NEXMIF: variants seen among roughly 807,000 people sequenced by gnomAD.
NEXMIF encodes the protein neurite extension and migration factor, also known as XLMR protein related to neurite extension.
NEXMIF carries 8 observed loss-of-function variants against 62.1 expected under a neutral mutation model. The ratio of observed to expected loss-of-function variants is 0.13; its 90% CI spans 0.08 to 0.23. The LOEUF (loss-of-function observed/expected upper bound fraction) is 0.23, where lower values mean the gene tolerates loss of function less well. Among genes scored for constraint, NEXMIF ranks in the 10% least tolerant of loss-of-function variants. NEXMIF has a pLI of 1.00. For missense variants in NEXMIF, 976 were observed against 1,113.3 expected (o/e 0.88, Z 1.75); for synonymous variants, 404 against 416.6 (o/e 0.97, Z 0.37).
At chrX:74,881,579 T>C (rs753888344) in intron 1 of NEXMIF, among the ~76,000 whole-genome samples, 4 of 78,430 alleles carry the variant, frequency 5.1e-5, no homozygotes, top group Non-Finnish European at 8.7e-5. Context: ...AGAGCTGCCC[T>C]GTGAATTTTA....
chrX:74,765,871 CAAAAAAA>C (rs755196904), intron 1 of NEXMIF, among the ~76,000 whole-genome samples: 1 of 28,967 alleles, frequency 3.5e-5, no homozygotes, highest in Non-Finnish European at 7.0e-5. Context: ...ACTGAAAATA[CAAAAAAA>C]AAAAAAAAAA....
chrX:74,887,731 C>T (rs763235938), intron 1 of NEXMIF, among the ~76,000 whole-genome samples: 5 of 111,830 alleles, frequency 4.5e-5, no homozygotes, highest in South Asian at 7.6e-4. Flanking sequence ...TTGTGGAAGT[C>T]GGTGTGGTGA....
chrX:74,740,901 A>C lies in NEXMIF; in HGVS notation c.3656T>G (p.Val1219Gly), dbSNP rs963668460. The part of the protein sequence containing the change: ...EKPPGKNSRQ[V>G]PKSTKKGKYM... Reference sequence around the variant, plus strand: ...TTTCCCTTTCTTTGTGGACTTAGGGACCTGGCGGGAGTTTTTGCCAGGTGG... The same window carrying C: ...TTTCCCTTTCTTTGTGGACTTAGGGCCCTGGCGGGAGTTTTTGCCAGGTGG... Residue 1219 changes from valine (V) to glycine (G), a missense_variant, in exon 3 of 4, where the codon GTC becomes GGC. Physicochemically the swap from Val to Gly is moderately radical, Grantham distance 109. Around this residue, in one of 5 missense-constraint regions of NEXMIF, gnomAD observed 639 missense variants for 694.5 expected, o/e 0.92. Coordinates refer to ENST00000055682, the MANE Select transcript of NEXMIF (RefSeq NM_001008537.3). 8.3e-7 allele frequency: 1 copy of C among 1,211,119 alleles called. No individual in the cohort carries two copies. The highest frequency in any genetic ancestry group is 1.1e-6 in the Non-Finnish European group (1 of 895,166).
rs2080102274 is a variant in NEXMIF, at chrX:74,741,279, C to T, written c.3278G>A (p.Gly1093Glu). The change falls in exon 3 of 4, where the codon GGA (glycine) becomes GAA (glutamate). Residue 1093 changes from glycine (G) to glutamate (E), a missense_variant. Physicochemically the swap from Gly to Glu is moderately conservative, Grantham distance 98. This residue lies in a region of NEXMIF where 639 missense variants were observed against 694.5 expected (regional missense o/e 0.92). Coordinates refer to ENST00000055682, the MANE Select transcript of NEXMIF (RefSeq NM_001008537.3). ...ITRCESMKTLGTLKGFQEGVP... is the reference protein window; with the variant it reads ...ITRCESMKTLETLKGFQEGVP... ...ACCCTCTTGGAACCCCTTTAGTGTT[C>T]CTAGTGTCTTCATACTCTCACATCT... 4 of 1,211,187 alleles carry T rather than the reference C, an allele frequency of 3.3e-6. No individual in the cohort carries two copies. The highest frequency in any genetic ancestry group is 5.9e-5 in the East Asian group (2 of 33,842).
chrX:74,865,614 G>A (rs1412062274), intron 1 of NEXMIF, among the ~76,000 whole-genome samples: 1 of 111,906 alleles, frequency 8.9e-6, no homozygotes, highest in African/African-American at 3.2e-5. Flanking sequence ...GACCTTCATG[G>A]CAGAGCCTCC....
chrX:74,831,740 C>T (rs2080438170), intron 1 of NEXMIF, among the ~76,000 whole-genome samples: 1 of 111,910 alleles, frequency 8.9e-6, no homozygotes, highest in Admixed American at 9.5e-5. Flanking sequence ...CATTATAATA[C>T]TAGCTGTGGT....
Position 74,784,748 on chromosome X carries a change from G to T in NEXMIF, c.-47-39051C>A, listed in dbSNP as rs184341916. On this transcript the variant is annotated intron_variant, in intron 1 of 3. Transcript: ENST00000055682. ...CACTTGTGTGACTGGTCCTTGGCCAGCTCCTGGGAACTGAGGTCTTAGAAT... is the reference window on the plus strand; with the variant it reads ...CACTTGTGTGACTGGTCCTTGGCCATCTCCTGGGAACTGAGGTCTTAGAAT... Among the ~76,000 whole-genome samples, 44 of 111,092 alleles carry T rather than the reference G, an allele frequency of 4.0e-4. 1 individual carries two copies. In the East Asian group the frequency reaches 8.8e-3, roughly 22 times the overall value.
rs191425572 is a variant in NEXMIF at position 74,735,726 on chromosome X, G to C, written c.*3679C>G. The C allele has an allele frequency of 8.9e-6, 1 of 111,950 alleles. No homozygotes were observed. Among genetic ancestry groups the C allele is most frequent in the East Asian group, 2.8e-4 (1 of 3,534 alleles). The allele number at this position is 111,950 out of a possible 1,213,427, so 9.2% of individuals were successfully genotyped here. ...AATGCAGGAGGTTTGAAAACATCAG[G>C]AAAAGGTAAGGCCTTGACACATAGT... On this transcript the variant is annotated 3_prime_UTR_variant, in exon 4 of 4. Coordinates refer to ENST00000055682, the MANE Select transcript of NEXMIF (RefSeq NM_001008537.3).
chrX:74,848,527 G>A (rs2080501496), intron 1 of NEXMIF, among the ~76,000 whole-genome samples: 1 of 112,191 alleles, frequency 8.9e-6, no homozygotes, highest in Non-Finnish European at 1.9e-5. Flanking sequence ...GTCCAAATAA[G>A]GTAACATTCA....
At position 74,740,306 on chromosome X, in the gene NEXMIF, A is replaced by G. The variant is rs757785426; in HGVS notation, c.4251T>C (p.Gly1417=). Reference sequence around the variant, plus strand: ...AGGTAGAGCGAGAGTCCTCGTTATAACCAGGCATGTTTGCACGACCAGGAT... The same window carrying G: ...AGGTAGAGCGAGAGTCCTCGTTATAGCCAGGCATGTTTGCACGACCAGGAT... ...IGDPGRANMP[G]YNEDSRSTFF... is the part of the protein sequence containing the mutation. The change falls in exon 3 of 4, where the codon GGT becomes GGC. Residue 1417 remains glycine (G), a synonymous_variant. Coordinates refer to ENST00000055682, the MANE Select transcript of NEXMIF (RefSeq NM_001008537.3). 1 of 1,209,374 alleles carries G rather than the reference A, an allele frequency of 8.3e-7. No individual in the cohort carries two copies. Among genetic ancestry groups the G allele is most frequent in the Non-Finnish European group, 1.1e-6 (1 of 895,005 alleles).
intron 1 of NEXMIF, among the ~76,000 whole-genome samples, chrX:74,750,776 C>T: frequency 1.8e-5 from 2 of 111,516 alleles, no homozygotes; most frequent in Middle Eastern, 9.4e-3. Flanking sequence ...ATGTTAAGTA[C>T]AGGAAACATG....
At chrX:74,863,697 T>A (rs2080566513) in intron 1 of NEXMIF, among the ~76,000 whole-genome samples, 1 of 112,037 alleles carries the variant, frequency 8.9e-6, no homozygotes, top group East Asian at 2.8e-4. Flanking sequence ...GTGGAGCTGG[T>A]ACCATTTCTT....
At chrX:74,888,301 A>G (rs1371089995) in intron 1 of NEXMIF, among the ~76,000 whole-genome samples, 8 of 107,922 alleles carry the variant, frequency 7.4e-5, no homozygotes, top group Non-Finnish European at 1.3e-4. Flanking sequence ...ATAATAATAA[A>G]CAAACAAACA....
chrX:74,758,726 C>T (rs756925780), intron 1 of NEXMIF, among the ~76,000 whole-genome samples: 3 of 111,674 alleles, frequency 2.7e-5, no homozygotes, highest in Non-Finnish European at 3.8e-5. Flanking sequence ...CATGTCCCTG[C>T]GAAGGACATG....
chrX:74,793,639 A>G (rs2080294203), intron 1 of NEXMIF, among the ~76,000 whole-genome samples: 1 of 108,082 alleles, frequency 9.3e-6, no homozygotes, highest in Non-Finnish European at 1.9e-5. Flanking sequence ...TGGTCTTTTC[A>G]CATAGTCCCA....
At chrX:74,919,813 C>T (rs1369356273) in intron 1 of NEXMIF, among the ~76,000 whole-genome samples, 1 of 110,519 alleles carries the variant, frequency 9.0e-6, no homozygotes, top group Non-Finnish European at 1.9e-5. Context: ...GTGTGATGTT[C>T]CCCTTCCTGT....
chrX:74,864,043 C>G (rs879191574), intron 1 of NEXMIF, among the ~76,000 whole-genome samples: 2 of 111,902 alleles, frequency 1.8e-5, no homozygotes, highest in African/African-American at 6.5e-5. Flanking sequence ...GCAGAAAAGG[C>G]CTTCAATAAA....
At chrX:74,846,413 C>T in intron 1 of NEXMIF, among the ~76,000 whole-genome samples, 1 of 111,755 alleles carries the variant, frequency 8.9e-6, no homozygotes, top group Non-Finnish European at 1.9e-5. Context: ...CCACTCTAGC[C>T]TATGGATATC....
At chrX:74,880,055 A>T (rs2080656536) in intron 1 of NEXMIF, among the ~76,000 whole-genome samples, 1 of 112,242 alleles carries the variant, frequency 8.9e-6, no homozygotes, top group African/African-American at 3.2e-5. Context: ...GAACTGTATC[A>T]CATTTGCTAA....
Sources: allele counts gnomAD v4.1 joint callset (sites outside exome capture counted in the v4.1 genomes callset), GRCh38; gene constraint gnomAD v4.1.1; regional missense constraint gnomAD v4.1.1; transcripts MANE v1.5; gene names NCBI Gene and HGNC (gene_info 2026-07-23, HGNC 2026-07-21).